The following SYNE2 variants were observed in gnomAD, a reference collection of about 807,000 sequenced individuals.
SYNE2 encodes nesprin-2.
In SYNE2, 431 loss-of-function variants were observed where a neutral mutation model predicts 856.3. That is an observed-to-expected ratio of 0.50 (90% CI 0.47 to 0.55). The LOEUF (loss-of-function observed/expected upper bound fraction) is 0.55, where lower values mean the gene tolerates loss of function less well. Ranked by LOEUF, SYNE2 falls within the 20% of genes least tolerant of loss-of-function variation. SYNE2 has a pLI of 0.00. For missense variants in SYNE2, 8,129 were observed against 8,023.2 expected (o/e 1.01, Z -0.50); for synonymous variants, 2,923 against 2,872.3 (o/e 1.02, Z -0.56).
intron 18 of SYNE2, among the ~76,000 whole-genome samples, chr14:63,984,385 C>T (rs544568424): frequency 1.3e-4 from 20 of 152,316 alleles, no homozygotes; most frequent in African/African-American, 4.3e-4. Context: ...TTACTTATTA[C>T]ACTTACTGTG....
intron 88 of SYNE2, among the ~76,000 whole-genome samples, 185 bp from the exon 89 acceptor site, chr14:64,163,217 C>T (rs1327603430): frequency 2.6e-5 from 4 of 152,150 alleles, no homozygotes; most frequent in Admixed American, 1.3e-4. Context: ...TTCGGAAAAG[C>T]GCCAGTGATA....
At chr14:63,907,025 G>A (rs1280614746) in intron 1 of SYNE2, among the ~76,000 whole-genome samples, 12 of 152,122 alleles carry the variant, frequency 7.9e-5, no homozygotes, top group Admixed American at 2.6e-4. Flanking sequence ...TCCTAATACC[G>A]TGACATTGGG....
At position 64,010,113 on chromosome 14, in the gene SYNE2, A is replaced by G; in HGVS notation, c.4725A>G (p.Ala1575=). The change falls in exon 32 of 116, where the codon GCA becomes GCG. Residue 1575 remains alanine (A), a synonymous_variant. Transcript: ENST00000555002. ...MGKENLKKRI[A]EIEIVKEEFN... The stretch of plus-strand genomic sequence containing the variant: ...AGGAGAACCTGAAGAAAAGGATAGC[A>G]GAGGTGAGTCCAGGTTCCATTAGAA... The G allele has an allele frequency of 6.2e-7, 1 of 1,611,744 alleles. No individual in the cohort carries two copies. The highest frequency in any genetic ancestry group is 8.5e-7 in the Non-Finnish European group (1 of 1,178,674).
At position 64,225,575 on chromosome 14, in the gene SYNE2, T is replaced by A. The variant is rs374711734; in HGVS notation, c.*49T>A. On this transcript the variant is annotated 3_prime_UTR_variant, in exon 116 of 116. Transcript: ENST00000555002. Reference sequence around the variant, plus strand: ...ACACCACCTGCCTGATTGCCAAGGGTGCCCAGCACGTGGCCCCAGACCAAT... The same window carrying A: ...ACACCACCTGCCTGATTGCCAAGGGAGCCCAGCACGTGGCCCCAGACCAAT... The A allele has an allele frequency of 6.3e-6, 10 of 1,591,806 alleles. No homozygotes were observed. Among genetic ancestry groups the A allele is most frequent in the Admixed American group, 3.4e-5 (2 of 58,544 alleles).
At chr14:63,976,454 A>T in intron 11 of SYNE2, 109 bp from the exon 12 acceptor site, 1 of 1,155,682 alleles carries the variant, frequency 8.7e-7, no homozygotes, top group Admixed American at 2.2e-5. Flanking sequence ...CACATTTATC[A>T]GACTTGGCTT....
Position 64,048,075 on chromosome 14 carries a change from G to A in SYNE2, c.7297G>A (p.Glu2433Lys), listed in dbSNP as rs376116911. The change falls in exon 46 of 116, where the codon GAG (glutamate) becomes AAG (lysine). Residue 2433 changes from glutamate to lysine, a missense_variant. Physicochemically the swap from Glu to Lys is moderately conservative, Grantham distance 56. This residue lies in a region of SYNE2 where 5,410 missense variants were observed against 5,284.8 expected (regional missense o/e 1.02). Transcript: ENST00000555002. ...AQESMKNTED[E>K]RKVNELQNQP... ...AGAAAGCATGAAAAACACTGAAGAT[G>A]AGCGGAAAGTCAATGAGCTGCAAAA... The A allele has an allele frequency of 3.7e-5, 60 of 1,613,608 alleles. No individual in the cohort carries two copies. Among genetic ancestry groups the A allele is most frequent in the Non-Finnish European group, 5.1e-5 (60 of 1,179,770 alleles).
At chr14:64,138,876 A>G (rs372131768) in intron 79 of SYNE2, among the ~76,000 whole-genome samples, 123 of 150,872 alleles carry the variant, frequency 8.2e-4, no homozygotes, top group African/African-American at 2.9e-3. Flanking sequence ...TTCAGCCAGC[A>G]GCAGTTTGTT....
At chr14:64,173,250 G>A (rs955190452) in intron 94 of SYNE2, among the ~76,000 whole-genome samples, 3 of 152,204 alleles carry the variant, frequency 2.0e-5, no homozygotes, top group African/African-American at 7.2e-5. Flanking sequence ...GATGAAGGAC[G>A]ACTCTGGGTT....
chr14:64,190,804 C>T (rs2098514711), intron 99 of SYNE2: 2 of 664,588 alleles, frequency 3.0e-6, no homozygotes, highest in African/African-American at 1.8e-5. Flanking sequence ...CAAATCAAAG[C>T]TATATTGGCC....
At chr14:64,035,870 T>A (rs910013803) in intron 45 of SYNE2, among the ~76,000 whole-genome samples, 1 of 145,508 alleles carries the variant, frequency 6.9e-6, no homozygotes, top group African/African-American at 2.5e-5. Context: ...ATTTTTGTAT[T>A]TTTTTTTTTT....
chr14:63,789,674 A>C lies in SYNE2; in HGVS notation c.-305+27688A>C, dbSNP rs1028053008. ...GGCACTGTAATCCCAGCTACTCTGG[A>C]GGCCAAGGCAGGAGAATCGCTTGAA... is the stretch of plus-strand genomic sequence containing the variant. On this transcript the variant is annotated intron_variant, in intron 1 of 23. Transcript: ENST00000674003. Among the ~76,000 whole-genome samples the C allele has an allele frequency of 5.3e-5, 8 of 152,036 alleles. 1 individual carries two copies. The highest frequency in any genetic ancestry group is 8.8e-5 in the Non-Finnish European group (6 of 68,014).
intron 98 of SYNE2, 112 bp from the exon 99 acceptor site, chr14:64,189,959 G>A (rs924202026): frequency 8.6e-7 from 1 of 1,156,502 alleles, no homozygotes. Context: ...CACTATGCCT[G>A]GCCAATTTTT....
At chr14:64,168,854 T>A in intron 92 of SYNE2, 23 bp from the exon 93 acceptor site, 1 of 1,516,158 alleles carries the variant, frequency 6.6e-7, no homozygotes, top group Non-Finnish European at 9.2e-7. Flanking sequence ...TAGCTGATAT[T>A]TTCTGCTTGG....
At chr14:63,993,746 G>T in intron 21 of SYNE2, 89 bp from the exon 22 acceptor site, 1 of 1,215,062 alleles carries the variant, frequency 8.2e-7, no homozygotes. Flanking sequence ...ACCAGTTAAA[G>T]ACATACCAAA....
At chr14:63,782,467 C>CAAAAAAAAAAAAAAAAAAAAAA (rs35413633) in intron 1 of SYNE2, among the ~76,000 whole-genome samples, 1 of 49,644 alleles carries the variant, frequency 2.0e-5, no homozygotes, top group Non-Finnish European at 3.5e-5. Context: ...AACTCCATCT[C>CAAAAAAAAAAAAAAAAAAAAAA]AAAAAAAAAA....
At chr14:64,091,185 A>G (rs142577234) in intron 60 of SYNE2, 137 bp downstream of exon 60, 3 of 786,256 alleles carry the variant, frequency 3.8e-6, no homozygotes, top group African/African-American at 1.7e-5. Context: ...GCATATCTTC[A>G]TGCTCAAATG....
chr14:64,044,825 G>T (rs1244546327), intron 45 of SYNE2, among the ~76,000 whole-genome samples: 1 of 152,044 alleles, frequency 6.6e-6, no homozygotes, highest in South Asian at 2.1e-4. Flanking sequence ...TGATTGTGAG[G>T]CTTCCCCACC....
chr14:63,969,922 G>C (rs922245729), intron 11 of SYNE2, among the ~76,000 whole-genome samples: 2 of 152,074 alleles, frequency 1.3e-5, no homozygotes, highest in Non-Finnish European at 2.9e-5. Flanking sequence ...CATTGTCATT[G>C]TGTGTACATG....
intron 35 of SYNE2, 108 bp downstream of exon 35, chr14:64,020,201 GA>G: frequency 3.2e-6 from 2 of 620,548 alleles, no homozygotes; most frequent in East Asian, 3.4e-5. Flanking sequence ...TCTAAAAGAA[GA>G]AAAAAACGGC....
Sources: allele counts gnomAD v4.1 joint callset (sites outside exome capture counted in the v4.1 genomes callset), GRCh38; gene constraint gnomAD v4.1.1; regional missense constraint gnomAD v4.1.1; transcripts MANE v1.5; gene names NCBI Gene and HGNC (gene_info 2026-07-23, HGNC 2026-07-21).